The following SMCO4 variants were observed in gnomAD, a reference collection of about 807,000 sequenced individuals.
SMCO4 encodes the protein single-pass membrane protein with coiled-coil domains 4, also known as single-pass membrane and coiled-coil domain-containing protein 4.
Under a neutral mutation model 3.6 loss-of-function variants are expected in SMCO4, and 4 were observed. The observed-to-expected ratio is 1.11, with a 90% CI of 0.54 to 2.53. SMCO4 has a LOEUF of 2.53. Ranked by LOEUF, SMCO4 falls within the 30% of genes most tolerant of loss-of-function variation. The probability of loss-of-function intolerance (pLI) is 0.02; values close to 1 mark genes in which losing one functional copy is unlikely to be tolerated. For missense variants in SMCO4, 70 were observed against 80.8 expected, an observed-to-expected ratio of 0.87 and a Z score of 0.51; for synonymous variants, 36 against 35.3, an observed-to-expected ratio of 1.02 and a Z score of -0.07.
rs1230388025 is a variant in SMCO4 at position 93,531,662 on chromosome 11, C to G, written c.-154+11614G>C. On this transcript the variant is annotated intron_variant, in intron 1 of 2. Transcript: ENST00000298966. The stretch of plus-strand genomic sequence containing the variant: ...GTAACACTAATTAATATATTGTACA[C>G]TTAAAAATGGTTAAGATGGTAAATT... Among the ~76,000 whole-genome samples the G allele has an allele frequency of 3.9e-5, 6 of 152,164 alleles. No individual in the cohort carries two copies. In the South Asian group the frequency reaches 1.0e-3, roughly 26 times the overall value.
chr11:93,525,814 A>G (rs1949100720), intron 1 of SMCO4, among the ~76,000 whole-genome samples: 1 of 152,238 alleles, frequency 6.6e-6, no homozygotes, highest in African/African-American at 2.4e-5. Flanking sequence ...CACTGACTTC[A>G]GCAGAGCCCT....
At chr11:93,515,665 A>G (rs1158790645) in intron 1 of SMCO4, among the ~76,000 whole-genome samples, 1 of 152,200 alleles carries the variant, frequency 6.6e-6, no homozygotes, top group Non-Finnish European at 1.5e-5. Context: ...AGCTGCAGCA[A>G]GCCAGCTTTC....
At chr11:93,497,352 TGTTA>T (rs1174902990) in intron 2 of SMCO4, among the ~76,000 whole-genome samples, 2 of 152,246 alleles carry the variant, frequency 1.3e-5, no homozygotes, top group Non-Finnish European at 2.9e-5. Context: ...TGATCAAACC[TGTTA>T]GTGTCTTCCA....
chr11:93,520,182 AAAG>A (rs2134620130), intron 1 of SMCO4, among the ~76,000 whole-genome samples: 1 of 152,330 alleles, frequency 6.6e-6, no homozygotes, highest in South Asian at 2.1e-4. Flanking sequence ...GTTTTAGAGA[AAAG>A]AATCCTGAAG....
intron 1 of SMCO4, among the ~76,000 whole-genome samples, chr11:93,531,350 A>G (rs1346636846): frequency 3.9e-5 from 6 of 152,078 alleles, no homozygotes; most frequent in African/African-American, 1.4e-4. Flanking sequence ...AACTTACACC[A>G]TTGGCTCTTC....
Position 93,489,300 on chromosome 11 carries a change from T to A in SMCO4, c.-81+9976A>T, listed in dbSNP as rs906456081. Among the ~76,000 whole-genome samples, 11 of 152,198 alleles carry A rather than the reference T, an allele frequency of 7.2e-5. No individual in the cohort carries two copies. In the East Asian group the frequency reaches 1.3e-3, roughly 19 times the overall value. On this transcript the variant is annotated intron_variant, in intron 2 of 2. Transcript: ENST00000298966. ...AATAGTGACTGGTACATAGTAGGTATAATATAAGCATTAGCTGTCATCATC... is the reference window on the plus strand; with the variant it reads ...AATAGTGACTGGTACATAGTAGGTAAAATATAAGCATTAGCTGTCATCATC...
At chr11:93,519,556 T>C (rs190114400) in intron 1 of SMCO4, among the ~76,000 whole-genome samples, 1 of 152,336 alleles carries the variant, frequency 6.6e-6, no homozygotes, top group Admixed American at 6.5e-5. Flanking sequence ...GCTCCATCTT[T>C]TGCAAAAGTA....
intron 1 of SMCO4, chr11:93,535,430 A>C: frequency 7.9e-7 from 1 of 1,258,364 alleles, no homozygotes; most frequent in Non-Finnish European, 1.1e-6. Context: ...TCTCACTGCT[A>C]GGGGCTTAAG....
the SMCO4 span, among the ~76,000 whole-genome samples, chr11:93,550,111 T>C: frequency 3.3e-5 from 5 of 152,200 alleles, no homozygotes; most frequent in African/African-American, 1.2e-4. Context: ...AGCTAAAGAA[T>C]GGGAAGGAAT....
At chr11:93,544,928 G>A (rs781178625), upstream of SMCO4, among the ~76,000 whole-genome samples, 1 of 152,166 alleles carries the variant, frequency 6.6e-6, no homozygotes, top group African/African-American at 2.4e-5. Flanking sequence ...TGTTCTATGC[G>A]CTGAAAGAAT....
intron 1 of SMCO4, among the ~76,000 whole-genome samples, chr11:93,525,687 G>A (rs1949099635): frequency 6.6e-6 from 1 of 152,086 alleles, no homozygotes; most frequent in South Asian, 2.1e-4. Flanking sequence ...GCGACCAACA[G>A]GATTGGATCC....
intron 1 of SMCO4, among the ~76,000 whole-genome samples, chr11:93,513,765 AT>A (rs1948979906): frequency 6.6e-6 from 1 of 152,122 alleles, no homozygotes; most frequent in African/African-American, 2.4e-5. Context: ...ATATAGAGAG[AT>A]TTCACATCAG....
chr11:93,496,987 G>T (rs1948781555), intron 2 of SMCO4, among the ~76,000 whole-genome samples: 1 of 152,178 alleles, frequency 6.6e-6, no homozygotes, highest in Non-Finnish European at 1.5e-5. Context: ...ATCTAAGAGA[G>T]TATCAGAGGA....
intron 1 of SMCO4, among the ~76,000 whole-genome samples, chr11:93,510,255 T>C (rs1192443823): frequency 6.6e-6 from 1 of 152,214 alleles, no homozygotes; most frequent in African/African-American, 2.4e-5. Flanking sequence ...CAGTTGTCAC[T>C]GCACTAGCCT....
At chr11:93,527,107 A>T (rs1337299689) in intron 1 of SMCO4, among the ~76,000 whole-genome samples, 1 of 152,144 alleles carries the variant, frequency 6.6e-6, no homozygotes, top group Non-Finnish European at 1.5e-5. Context: ...ACACACCCTA[A>T]ATCGGGCTGA....
At chr11:93,515,124 T>C (rs74717213) in intron 1 of SMCO4, among the ~76,000 whole-genome samples, 1,873 of 151,634 alleles carry the variant, frequency 0.012, 35 homozygotes, top group African/African-American at 0.042. Context: ...CAGAGAAAGC[T>C]TTTTTTTAGG....
At chr11:93,538,679 C>A (rs1949248255) in intron 1 of SMCO4, among the ~76,000 whole-genome samples, 1 of 152,132 alleles carries the variant, frequency 6.6e-6, no homozygotes, top group Admixed American at 6.5e-5. Flanking sequence ...GCATCTCCAA[C>A]ACCCATCCCT....
At chr11:93,512,074 C>G (rs1948962828) in intron 1 of SMCO4, among the ~76,000 whole-genome samples, 1 of 152,108 alleles carries the variant, frequency 6.6e-6, no homozygotes, top group Admixed American at 6.5e-5. Flanking sequence ...ATTTCTGTGC[C>G]AGAAATATGC....
chr11:93,525,803 C>A lies in SMCO4; in HGVS notation c.-154+17473G>T, dbSNP rs542553041. On this transcript the variant is annotated intron_variant, in intron 1 of 2. Transcript: ENST00000298966. ...CTCAAAGCCAAAAAACAAGACAGGG[C>A]CACTGACTTCAGCAGAGCCCTGCAT... is the stretch of plus-strand genomic sequence containing the variant. Among the ~76,000 whole-genome samples the A allele has an allele frequency of 5.3e-5, 8 of 152,262 alleles. No homozygotes were observed. The East Asian group carries it at 1.5e-3, about 29-fold the overall frequency.
Sources: allele counts gnomAD v4.1 joint callset (sites outside exome capture counted in the v4.1 genomes callset), GRCh38; gene constraint gnomAD v4.1.1; transcripts MANE v1.5; gene names NCBI Gene and HGNC (gene_info 2026-07-23, HGNC 2026-07-21).